The following FKBP5 variants were observed in gnomAD, a reference collection of about 807,000 sequenced individuals.
FKBP5 encodes FKBP prolyl isomerase 5.
A neutral mutation model predicts 50.5 loss-of-function variants in FKBP5; 23 were observed. The observed-to-expected ratio is 0.46, with a 90% CI of 0.33 to 0.65. FKBP5 has a LOEUF of 0.65. FKBP5 is among the 30% of genes least tolerant of loss of function. FKBP5 has a pLI of 0.02. For synonymous variants in FKBP5, 176 were observed against 190.6 expected (o/e 0.92, Z 0.63); for missense variants, 411 against 553.1 (o/e 0.74, Z 2.58).
At position 35,641,145 on chromosome 6, in the gene FKBP5, A is replaced by AT. The variant is rs538277857; in HGVS notation, c.105+1574dup. On this transcript the variant is annotated intron_variant, in intron 2 of 10. Coordinates refer to ENST00000357266, the MANE Select transcript of FKBP5 (RefSeq NM_004117.4). ...AGGTACATGCCACTATGCCTGGCTA[A>AT]TTTTTTTAATTTTTTTTCTACAGAT... is the stretch of plus-strand genomic sequence containing the variant. 1.9e-3 allele frequency among the ~76,000 whole-genome samples: 287 copies of AT among 151,960 alleles called. 2 individuals carry two copies. The highest frequency in any genetic ancestry group is 6.1e-3 in the African/African-American group (251 of 41,438).
intron 3 of FKBP5, among the ~76,000 whole-genome samples, chr6:35,633,993 G>A (rs1005601171): frequency 6.6e-6 from 1 of 151,838 alleles, no homozygotes; most frequent in Non-Finnish European, 1.5e-5. Context: ...CTCCCAACTT[G>A]TATTTAAAAA....
intron 1 of FKBP5, among the ~76,000 whole-genome samples, chr6:35,662,931 T>A (rs2151000144): frequency 6.6e-6 from 1 of 152,280 alleles, no homozygotes; most frequent in Admixed American, 6.5e-5. Context: ...ACATTTTAAT[T>A]CCAAATAATT....
chr6:35,722,959 C>T (rs780312729), intron 1 of FKBP5, among the ~76,000 whole-genome samples: 4 of 152,202 alleles, frequency 2.6e-5, no homozygotes, highest in Admixed American at 6.5e-5. Context: ...CATGGCCGGG[C>T]GCGATGGCTC....
At position 35,722,589 on chromosome 6, in the gene FKBP5, G is replaced by C. The variant is rs114222606; in HGVS notation, c.-240-2041C>G. Among the ~76,000 whole-genome samples, 3 of 152,236 alleles carry C rather than the reference G, an allele frequency of 2.0e-5. No homozygotes were observed. In the East Asian group the frequency reaches 5.8e-4, roughly 29 times the overall value. On this transcript the variant is annotated intron_variant, in intron 1 of 11. Transcript: ENST00000536438. ...TGCCTGCCTCTGGCCTCATCTCCCC[G>C]GGCTCTCCAACCTGCACTCCATGTC...
At chr6:35,718,124 G>A (rs2151023849) in intron 2 of FKBP5, among the ~76,000 whole-genome samples, 2 of 152,312 alleles carry the variant, frequency 1.3e-5, no homozygotes, top group South Asian at 4.1e-4. Context: ...GGACTGGGGG[G>A]CCTCTGGGGG....
chr6:35,635,861 C>A (rs1764296095), intron 3 of FKBP5, among the ~76,000 whole-genome samples: 2 of 152,172 alleles, frequency 1.3e-5, no homozygotes. Flanking sequence ...TCCAAACCCA[C>A]AAAGATAGAT....
chr6:35,621,746 C>T lies in FKBP5; in HGVS notation c.251-1472G>A, dbSNP rs1243381381. 2.0e-5 allele frequency among the ~76,000 whole-genome samples: 3 copies of T among 152,168 alleles called. No homozygotes were observed. The East Asian group carries it at 5.8e-4, about 29-fold the overall frequency. On this transcript the variant is annotated intron_variant, in intron 3 of 10. Transcript: ENST00000357266. ...GCTGTAATCCCAGCACTTTGGGAGG[C>T]CAAGGCGGGCAGATCCCTTGAGCTT... is the stretch of plus-strand genomic sequence containing the variant.
At chr6:35,583,973 T>C in intron 8 of FKBP5, 1 of 985,420 alleles carries the variant, frequency 1.0e-6, no homozygotes. Context: ...GTTTTAGAAA[T>C]GCTTTCTTCC....
intron 4 of FKBP5, among the ~76,000 whole-genome samples, chr6:35,619,535 T>G (rs990306154): frequency 3.9e-5 from 6 of 152,114 alleles, no homozygotes; most frequent in African/African-American, 1.4e-4. Flanking sequence ...ACTATTTTGT[T>G]TGAGGCCACA....
intron 7 of FKBP5, 72 bp from the exon 8 acceptor site, chr6:35,587,189 G>A: frequency 7.4e-7 from 1 of 1,348,722 alleles, no homozygotes; most frequent in Non-Finnish European, 1.1e-6. Flanking sequence ...TTGGAACAAA[G>A]AGCAGCTAAT....
At chr6:35,615,610 A>T (rs2150975034) in intron 5 of FKBP5, among the ~76,000 whole-genome samples, 1 of 152,336 alleles carries the variant, frequency 6.6e-6, no homozygotes, top group East Asian at 1.9e-4. Context: ...GATATAAATA[A>T]ACTGAATAAA....
At chr6:35,668,455 T>C (rs1412384349) in intron 1 of FKBP5, among the ~76,000 whole-genome samples, 1 of 152,234 alleles carries the variant, frequency 6.6e-6, no homozygotes, top group African/African-American at 2.4e-5. Context: ...AATGAAACTA[T>C]TAAATTGATT....
chr6:35,615,524 G>A (rs1413942897), intron 5 of FKBP5, among the ~76,000 whole-genome samples: 2 of 152,036 alleles, frequency 1.3e-5, no homozygotes, highest in Non-Finnish European at 2.9e-5. Flanking sequence ...TCAAATCTGG[G>A]ACAATGTGAA....
At chr6:35,651,026 A>G (rs181178965) in intron 1 of FKBP5, among the ~76,000 whole-genome samples, 1 of 152,338 alleles carries the variant, frequency 6.6e-6, no homozygotes, top group East Asian at 1.9e-4. Context: ...TAATACTCAC[A>G]TGAAAAGACA....
intron 3 of FKBP5, among the ~76,000 whole-genome samples, chr6:35,629,878 T>G (rs1402148677): frequency 2.0e-5 from 3 of 152,178 alleles, no homozygotes; most frequent in Non-Finnish European, 4.4e-5. Flanking sequence ...CTCACACTTT[T>G]GGGGACAATT....
intron 5 of FKBP5, among the ~76,000 whole-genome samples, chr6:35,603,596 G>A (rs1479439709): frequency 6.7e-6 from 1 of 148,764 alleles, no homozygotes; most frequent in Non-Finnish European, 1.5e-5. Flanking sequence ...TGGAAACTTT[G>A]TTTTTTAATA....
upstream of FKBP5, chr6:35,688,931 C>G (rs1765923003): frequency 1.3e-5 from 2 of 151,686 alleles, no homozygotes; most frequent in Non-Finnish European, 2.9e-5. Context: ...CGCCCGCGAG[C>G]CGGCCCGAAT....
At chr6:35,680,724 A>C (rs1765642127) in intron 1 of FKBP5, among the ~76,000 whole-genome samples, 1 of 152,242 alleles carries the variant, frequency 6.6e-6, no homozygotes, top group African/African-American at 2.4e-5. Context: ...AGCACCACCC[A>C]AAAACAACAA....
chr6:35,684,717 C>T (rs542149795), intron 1 of FKBP5, among the ~76,000 whole-genome samples: 4 of 152,242 alleles, frequency 2.6e-5, no homozygotes, highest in African/African-American at 7.2e-5. Flanking sequence ...CTTTCATTAA[C>T]CAAATGTTTT....
Sources: gnomAD v4.1 joint callset for allele counts (sites outside exome capture counted in the v4.1 genomes callset) on GRCh38, gnomAD v4.1.1 for gene constraint, MANE v1.5 for transcripts, NCBI Gene and HGNC (gene_info 2026-07-23, HGNC 2026-07-21) for gene names.